The following FOXP1 variants were observed in gnomAD, a reference collection of about 807,000 sequenced individuals.
The protein encoded by FOXP1 is forkhead box P1.
A neutral mutation model predicts 98.2 loss-of-function variants in FOXP1; 15 were observed. That is an observed-to-expected ratio of 0.15 (90% CI 0.10 to 0.24). FOXP1 has a LOEUF of 0.24. FOXP1 is among the 10% of genes least tolerant of loss of function. The pLI, the probability that FOXP1 is intolerant of heterozygous loss-of-function variation, is 1.00. For synonymous variants in FOXP1, 371 were observed against 314.5 expected, an observed-to-expected ratio of 1.18 and a Z score of -1.90; for missense variants, 633 against 848.5, an observed-to-expected ratio of 0.75 and a Z score of 3.15.
At chr3:71,563,613 T>C (rs1044967516) in intron 2 of FOXP1, among the ~76,000 whole-genome samples, 6 of 152,314 alleles carry the variant, frequency 3.9e-5, no homozygotes, top group African/African-American at 1.4e-4. Flanking sequence ...TATTCTAGTC[T>C]TGGGTCTTCA....
chr3:71,036,273 C>A (rs2047570607), intron 11 of FOXP1, among the ~76,000 whole-genome samples: 1 of 152,164 alleles, frequency 6.6e-6, no homozygotes, highest in Admixed American at 6.5e-5. Flanking sequence ...GAGAACGAGG[C>A]AAGGACTATC....
At chr3:71,265,425 G>A (rs979117812) in intron 5 of FOXP1, among the ~76,000 whole-genome samples, 10 of 152,140 alleles carry the variant, frequency 6.6e-5, no homozygotes, top group African/African-American at 2.4e-4. Flanking sequence ...GAACTCTGAG[G>A]CAAATCCTCA....
chr3:71,060,909 G>C (rs1440654423), intron 7 of FOXP1, among the ~76,000 whole-genome samples: 1 of 152,118 alleles, frequency 6.6e-6, no homozygotes, highest in East Asian at 1.9e-4. Context: ...GAGGCACAAT[G>C]TATGTGTTCA....
At chr3:71,545,706 G>C (rs898275498) in intron 2 of FOXP1, among the ~76,000 whole-genome samples, 11 of 152,124 alleles carry the variant, frequency 7.2e-5, no homozygotes, top group African/African-American at 2.7e-4. Context: ...TTTCGCAATA[G>C]GTAGGAACCA....
chr3:71,137,643 T>G (rs539153138), intron 6 of FOXP1, among the ~76,000 whole-genome samples: 2 of 152,150 alleles, frequency 1.3e-5, no homozygotes, highest in East Asian at 3.9e-4. Context: ...CGATGTCCAA[T>G]GCCAGCAGTG....
intron 3 of FOXP1, among the ~76,000 whole-genome samples, chr3:71,438,308 T>C (rs529385642): frequency 6.6e-6 from 1 of 152,344 alleles, no homozygotes; most frequent in Non-Finnish European, 1.5e-5. Flanking sequence ...TCGTTTAATA[T>C]GAGCTACATC....
chr3:71,504,195 G>A (rs2041635127), intron 2 of FOXP1, among the ~76,000 whole-genome samples: 1 of 151,836 alleles, frequency 6.6e-6, no homozygotes, highest in Non-Finnish European at 1.5e-5. Flanking sequence ...AACACTTTGG[G>A]GGATAACCGA....
intron 2 of FOXP1, among the ~76,000 whole-genome samples, chr3:71,495,145 C>G (rs945661795): frequency 6.6e-6 from 1 of 152,200 alleles, no homozygotes; most frequent in African/African-American, 2.4e-5. Flanking sequence ...AGGCAAGTGT[C>G]TTCCCATCTC....
chr3:71,374,360 G>A lies in FOXP1; in HGVS notation c.-167-15116C>T, dbSNP rs148345248. Among the ~76,000 whole-genome samples, 810 of 152,276 alleles carry A rather than the reference G, an allele frequency of 5.3e-3. 13 individuals are homozygous for A. The highest frequency in any genetic ancestry group is 0.052 in the East Asian group (270 of 5,178). On this transcript the variant is annotated intron_variant, in intron 3 of 20. Coordinates refer to ENST00000649528, the MANE Select transcript of FOXP1 (RefSeq NM_001349338.3). ...TGTAATCCCAGCACTTTAGGAGGCC[G>A]AGGCAGGCAGATCACTTGAGGTCAG...
chr3:71,226,233 G>T (rs2065823093), intron 5 of FOXP1, among the ~76,000 whole-genome samples: 1 of 152,180 alleles, frequency 6.6e-6, no homozygotes, highest in East Asian at 1.9e-4. Flanking sequence ...AAGTCCCTCT[G>T]GTTAGGAACT....
chr3:71,329,990 CTT>C (rs2076200566), intron 4 of FOXP1, among the ~76,000 whole-genome samples: 1 of 152,204 alleles, frequency 6.6e-6, no homozygotes, highest in South Asian at 2.1e-4. Flanking sequence ...GGGAAGATCT[CTT>C]GAGCCTAGGA....
chr3:71,082,201 C>T (rs2054502568), intron 7 of FOXP1, among the ~76,000 whole-genome samples: 1 of 151,158 alleles, frequency 6.6e-6, no homozygotes, highest in Admixed American at 6.6e-5. Context: ...ATTGCTTGAA[C>T]TTGGGAGGCA....
intron 3 of FOXP1, among the ~76,000 whole-genome samples, chr3:71,436,776 G>A (rs1368013618): frequency 1.3e-5 from 2 of 152,114 alleles, no homozygotes; most frequent in African/African-American, 4.8e-5. Flanking sequence ...CTTGGAGCCA[G>A]CCAGGCAAGT....
chr3:71,316,716 G>A (rs2075100094), intron 4 of FOXP1, among the ~76,000 whole-genome samples: 1 of 150,506 alleles, frequency 6.6e-6, no homozygotes, highest in Non-Finnish European at 1.5e-5. Context: ...GGAGCGCAGT[G>A]GTGCGATCTC....
At chr3:71,051,857 T>C (rs918473783) in intron 9 of FOXP1, among the ~76,000 whole-genome samples, 1 of 152,136 alleles carries the variant, frequency 6.6e-6, no homozygotes, top group Admixed American at 6.5e-5. Context: ...GCTGTCAACC[T>C]TCATGGTGTG....
intron 14 of FOXP1, 72 bp downstream of exon 14, chr3:70,987,922 T>G: frequency 9.2e-5 from 125 of 1,354,346 alleles, no homozygotes; most frequent in Non-Finnish European, 1.2e-4. Context: ...CCTTCCTCCA[T>G]TTGGGGTGGG....
chr3:71,114,748 G>A (rs1286825003), intron 6 of FOXP1, among the ~76,000 whole-genome samples: 1 of 152,160 alleles, frequency 6.6e-6, no homozygotes, highest in Non-Finnish European at 1.5e-5. Flanking sequence ...TCGAGAAAAG[G>A]GGCTGTCTGA....
chr3:71,030,968 G>A (rs1006168547), intron 11 of FOXP1, among the ~76,000 whole-genome samples: 1 of 152,136 alleles, frequency 6.6e-6, no homozygotes. Flanking sequence ...TGAAAGTAGA[G>A]TCACAGACAT....
At chr3:71,110,363 T>C (rs1186615693) in intron 7 of FOXP1, among the ~76,000 whole-genome samples, 1 of 152,200 alleles carries the variant, frequency 6.6e-6, no homozygotes, top group Non-Finnish European at 1.5e-5. Context: ...TGTGTGTTTT[T>C]TTATTATCTC....
Sources: gnomAD v4.1 joint callset for allele counts (sites outside exome capture counted in the v4.1 genomes callset) on GRCh38, gnomAD v4.1.1 for gene constraint, MANE v1.5 for transcripts, NCBI Gene and HGNC (gene_info 2026-07-23, HGNC 2026-07-21) for gene names.